Variants in TFB1M observed in about 807,000 individuals in gnomAD.
TFB1M encodes dimethyladenosine transferase 1, mitochondrial.
Under a neutral mutation model 31.1 loss-of-function variants are expected in TFB1M, and 27 were observed. The observed-to-expected ratio is 0.87, with a 90% CI of 0.64 to 1.20. TFB1M has a LOEUF of 1.20. Ranked by LOEUF, TFB1M falls within the 50% of genes most tolerant of loss-of-function variation. The pLI is 0.00. For synonymous variants in TFB1M, 166 were observed against 151.8 expected, an observed-to-expected ratio of 1.09 and a Z score of -0.69; for missense variants, 394 against 418.7, an observed-to-expected ratio of 0.94 and a Z score of 0.51.
the TFB1M span, chr6:155,245,630 T>C: frequency 1.2e-6 from 2 of 1,613,824 alleles, no homozygotes; most frequent in Non-Finnish European, 1.7e-6. Context: ...TAGAAATTAC[T>C]GTTTTCCCTT....
At chr6:155,243,841 C>T in the TFB1M span, among the ~76,000 whole-genome samples, 303 of 93,952 alleles carry the variant, frequency 3.2e-3, 1 homozygote, top group African/African-American at 0.014. Flanking sequence ...AGCAAGACTC[C>T]GTCTCAAAAA....
At chr6:155,244,978 C>G in the TFB1M span, 1 of 640,238 alleles carries the variant, frequency 1.6e-6, no homozygotes, top group Non-Finnish European at 2.3e-6. Flanking sequence ...TTTCCTGGCG[C>G]AGGTGCTTTT....
intron 1 of TFB1M, chr6:155,314,009 C>T: frequency 1.0e-6 from 1 of 977,758 alleles, no homozygotes; most frequent in Non-Finnish European, 1.4e-6. Flanking sequence ...TTCACTAGCG[C>T]CTTTCACGAC....
At chr6:155,302,717 T>A (rs1234040074) in intron 2 of TFB1M, among the ~76,000 whole-genome samples, 2 of 152,212 alleles carry the variant, frequency 1.3e-5, no homozygotes, top group Admixed American at 1.3e-4. Context: ...TATTTCAATG[T>A]CATTATCAAA....
At chr6:155,244,862 G>T in the TFB1M span, 1 of 1,469,328 alleles carries the variant, frequency 6.8e-7, no homozygotes, top group Admixed American at 2.2e-5. Context: ...TCTCTCATGA[G>T]AAAGAATTTC....
Position 155,298,497 on chromosome 6 carries a change from A to C in TFB1M, c.374T>G (p.Leu125Arg). The C allele has an allele frequency of 6.2e-7, 1 of 1,608,478 alleles. No individual in the cohort carries two copies. The highest frequency in any genetic ancestry group is 1.1e-5 in the South Asian group (1 of 90,976). ...FKVEKAFSES[L>R]KRPWEDDPPN... ...CTCACCATCTTCCCAGGGTCTTTTA[A>C]GACTTTCTGAAAAAGCCTTTTCTAC... The change falls in exon 3 of 7, where the codon CTT (leucine) becomes CGT (arginine). Residue 125 changes from leucine to arginine, a missense_variant. Physicochemically the swap from Leu to Arg is moderately radical, Grantham distance 102 (BLOSUM62 -2). Coordinates refer to ENST00000367166, the MANE Select transcript of TFB1M (RefSeq NM_016020.4).
intron 4 of TFB1M, among the ~76,000 whole-genome samples, chr6:155,287,709 A>G (rs1397290834): frequency 6.6e-6 from 1 of 152,162 alleles, no homozygotes; most frequent in Non-Finnish European, 1.5e-5. Flanking sequence ...CATATCAACA[A>G]TATTTTATTT....
intron 2 of TFB1M, among the ~76,000 whole-genome samples, chr6:155,302,080 G>A (rs1414157746): frequency 6.6e-6 from 1 of 152,188 alleles, no homozygotes; most frequent in Non-Finnish European, 1.5e-5. Context: ...TGGCTAGGCA[G>A]CTTTTTGTTG....
downstream of TFB1M, chr6:155,255,888 T>C (rs1388732451): frequency 6.4e-6 from 1 of 157,284 alleles, no homozygotes; most frequent in Non-Finnish European, 1.4e-5. Flanking sequence ...TGCGCACCTA[T>C]AGTCCCAACT....
chr6:155,283,583 C>T (rs192399752), intron 5 of TFB1M, among the ~76,000 whole-genome samples: 98 of 152,252 alleles, frequency 6.4e-4, no homozygotes, highest in African/African-American at 2.2e-3. Flanking sequence ...ATAATAACTT[C>T]GAAACTCCAT....
the TFB1M span, among the ~76,000 whole-genome samples, chr6:155,246,336 A>G: frequency 6.6e-6 from 1 of 152,276 alleles, no homozygotes; most frequent in East Asian, 1.9e-4. Flanking sequence ...ATGATATCCC[A>G]GAAGAAAAGC....
At chr6:155,241,952 G>A in the TFB1M span, among the ~76,000 whole-genome samples, 1 of 152,228 alleles carries the variant, frequency 6.6e-6, no homozygotes, top group African/African-American at 2.4e-5. Context: ...GAGTTGAGAG[G>A]AGAATCGATG....
chr6:155,272,772 A>G (rs1162327242), intron 5 of TFB1M, among the ~76,000 whole-genome samples: 1 of 152,232 alleles, frequency 6.6e-6, no homozygotes, highest in Non-Finnish European at 1.5e-5. Flanking sequence ...CACTATGCTA[A>G]TTAAATGACA....
At chr6:155,250,398 T>C in the TFB1M span, 2 of 595,206 alleles carry the variant, frequency 3.4e-6, no homozygotes, top group Non-Finnish European at 5.4e-6. Flanking sequence ...TTTTATCTGA[T>C]TGCTTAATTT....
chr6:155,253,861 G>C, downstream of TFB1M: 2 of 739,110 alleles, frequency 2.7e-6, no homozygotes, highest in Non-Finnish European at 4.4e-6. Context: ...AATGAGCCAG[G>C]ACTGGGAATA....
At chr6:155,263,117 T>C (rs1302585099) in intron 5 of TFB1M, among the ~76,000 whole-genome samples, 3 of 152,170 alleles carry the variant, frequency 2.0e-5, no homozygotes, top group Admixed American at 6.5e-5. Flanking sequence ...TTCCTCTCCC[T>C]TTCCCCCAAA....
chr6:155,231,329 T>C, the TFB1M span, among the ~76,000 whole-genome samples: 1 of 152,246 alleles, frequency 6.6e-6, no homozygotes, highest in Admixed American at 6.5e-5. Context: ...TGGAACTGTC[T>C]AGTCTAGAAG....
chr6:155,263,369 C>G (rs1203803349), intron 5 of TFB1M, among the ~76,000 whole-genome samples: 1 of 152,168 alleles, frequency 6.6e-6, no homozygotes, highest in Non-Finnish European at 1.5e-5. Context: ...TTAATGCCGC[C>G]AGCCTTTTCC....
At chr6:155,300,156 T>A (rs1178282037) in intron 2 of TFB1M, among the ~76,000 whole-genome samples, 14 of 152,162 alleles carry the variant, frequency 9.2e-5, no homozygotes, top group Admixed American at 8.5e-4. Flanking sequence ...TTGCAAAGAT[T>A]TACTTCACAA....
Sources: gnomAD v4.1 joint callset for allele counts (sites outside exome capture counted in the v4.1 genomes callset) on GRCh38, gnomAD v4.1.1 for gene constraint, MANE v1.5 for transcripts, NCBI Gene and HGNC (gene_info 2026-07-23, HGNC 2026-07-21) for gene names.